The following ADAMTS18 variants were observed in gnomAD, a reference collection of about 807,000 sequenced individuals.
The protein encoded by ADAMTS18 is ADAM metallopeptidase with thrombospondin type 1 motif 18, also known as A disintegrin and metalloproteinase with thrombospondin motifs 18.
In ADAMTS18, 157 loss-of-function variants were observed where a neutral mutation model predicts 165.9. The observed-to-expected ratio is 0.95, with a 90% CI of 0.83 to 1.08. The LOEUF is 1.08. Among genes scored for constraint, ADAMTS18 ranks in the 50% least tolerant of loss-of-function variants. The probability of loss-of-function intolerance (pLI) is 0.00; values close to 1 mark genes in which losing one functional copy is unlikely to be tolerated. For synonymous variants in ADAMTS18, 782 were observed against 578.2 expected (o/e 1.35, Z -5.06); for missense variants, 2,040 against 1,534.0 (o/e 1.33, Z -5.51).
At chr16:77,294,300 G>A (rs1043759117) in intron 19 of ADAMTS18, among the ~76,000 whole-genome samples, 4 of 152,020 alleles carry the variant, frequency 2.6e-5, no homozygotes, top group African/African-American at 9.7e-5. Flanking sequence ...GGCTGTGTAG[G>A]ACATTCACCT....
intron 3 of ADAMTS18, among the ~76,000 whole-genome samples, chr16:77,386,312 G>C (rs1364881137): frequency 1.3e-5 from 2 of 152,100 alleles, no homozygotes; most frequent in African/African-American, 2.4e-5. Context: ...TTGGACTTTA[G>C]GATCCAAATT....
At position 77,343,158 on chromosome 16, in the gene ADAMTS18, C is replaced by T. The variant is rs141182294; in HGVS notation, c.1615-1359G>A. ...CACCATCTCGGCTCACTGCAACCCC[C>T]GCCTCCTGGGTTCAAGCAATTATCC... On this transcript the variant is annotated intron_variant, in intron 10 of 22. Coordinates refer to ENST00000282849, the MANE Select transcript of ADAMTS18 (RefSeq NM_199355.4). Among the ~76,000 whole-genome samples, 564 of 152,108 alleles carry T rather than the reference C, an allele frequency of 3.7e-3. 3 individuals are homozygous for T. The highest frequency in any genetic ancestry group is 0.013 in the African/African-American group (539 of 41,500).
At chr16:77,346,340 C>T (rs114706456) in intron 10 of ADAMTS18, among the ~76,000 whole-genome samples, 1,545 of 152,108 alleles carry the variant, frequency 0.01, 23 homozygotes, top group African/African-American at 0.035. Context: ...ATCCCAAGCA[C>T]CCAAAACAGT....
intron 16 of ADAMTS18, among the ~76,000 whole-genome samples, chr16:77,309,163 G>A (rs572760330): frequency 6.6e-6 from 1 of 151,848 alleles, no homozygotes; most frequent in African/African-American, 2.4e-5. Flanking sequence ...CAGAAACTAT[G>A]TGACTGCTAA....
intron 16 of ADAMTS18, among the ~76,000 whole-genome samples, chr16:77,301,815 G>A (rs1312230167): frequency 1.3e-5 from 2 of 152,034 alleles, no homozygotes; most frequent in Non-Finnish European, 1.5e-5. Flanking sequence ...AACAAATCTC[G>A]ATGCCTCCTA....
At chr16:77,336,994 T>C (rs1273078748) in intron 11 of ADAMTS18, among the ~76,000 whole-genome samples, 1 of 152,224 alleles carries the variant, frequency 6.6e-6, no homozygotes, top group African/African-American at 2.4e-5. Flanking sequence ...AAATCTTCAC[T>C]TATCCCCTGC....
intron 12 of ADAMTS18, among the ~76,000 whole-genome samples, chr16:77,329,656 A>T (rs926486117): frequency 6.6e-6 from 1 of 152,172 alleles, no homozygotes; most frequent in African/African-American, 2.4e-5. Context: ...ATACTAATAC[A>T]TTTCATTTTT....
chr16:77,353,698 T>C (rs1266777595), intron 10 of ADAMTS18, 35 bp downstream of exon 10: 3 of 1,613,932 alleles, frequency 1.9e-6, no homozygotes, highest in Non-Finnish European at 8.5e-7. Flanking sequence ...CATTGCAGAG[T>C]CTTAATGTAA....
At chr16:77,321,955 A>C (rs2056006510) in intron 14 of ADAMTS18, among the ~76,000 whole-genome samples, 1 of 152,136 alleles carries the variant, frequency 6.6e-6, no homozygotes. Flanking sequence ...CAGGAGTTCA[A>C]GACCAGTCGG....
At chr16:77,293,369 T>C (rs953326959) in intron 19 of ADAMTS18, 111 bp from the exon 20 acceptor site, 1 of 965,370 alleles carries the variant, frequency 1.0e-6, no homozygotes, top group Non-Finnish European at 1.6e-6. Context: ...ATAAACTCCA[T>C]GAACTAAAGC....
At position 77,322,437 on chromosome 16, in the gene ADAMTS18, C is replaced by T. The variant is rs1475338375; in HGVS notation, c.2062G>A (p.Ala688Thr). The T allele has an allele frequency of 1.9e-6, 3 of 1,614,018 alleles. No homozygotes were observed. Among genetic ancestry groups the T allele is most frequent in the Non-Finnish European group, 2.5e-6 (3 of 1,179,970 alleles). Residue 688 changes from alanine to threonine, a missense_variant, in exon 14 of 23, where the codon GCT (alanine) becomes ACT (threonine). Transcript: ENST00000282849. ...EEDRCKLYCK[A>T]ENFEFFFAMS... ...GCAAAAAAAAATTCAAAGTTCTCAG[C>T]CTTGCAGTACAGTTTGCATCGATCT...
At chr16:77,339,948 A>C (rs72801635) in intron 11 of ADAMTS18, among the ~76,000 whole-genome samples, 346 of 152,290 alleles carry the variant, frequency 2.3e-3, no homozygotes, top group Non-Finnish European at 3.0e-3. Context: ...CTCTCTCTGA[A>C]AAGTCCTTTT....
At position 77,401,152 on chromosome 16, in the gene ADAMTS18, G is replaced by A. The variant is rs540767102; in HGVS notation, c.495+30143C>T. ...TGCCTATAATACCAGCTACTCAGGA[G>A]TCTGAGGCAGGAGAATTGCTTGAAC... On this transcript the variant is annotated intron_variant, in intron 3 of 22. Coordinates refer to ENST00000282849, the MANE Select transcript of ADAMTS18 (RefSeq NM_199355.4). Among the ~76,000 whole-genome samples the A allele has an allele frequency of 2.0e-5, 3 of 152,200 alleles. No individual in the cohort carries two copies. The South Asian group carries it at 6.2e-4, about 32-fold the overall frequency.
At chr16:77,371,397 C>CCAA (rs1300515597) in intron 3 of ADAMTS18, among the ~76,000 whole-genome samples, 1 of 151,970 alleles carries the variant, frequency 6.6e-6, no homozygotes, top group East Asian at 1.9e-4. Context: ...TAGAAAGCTA[C>CCAA]AGTAACCAAA....
At chr16:77,384,057 AGGCT>A (rs143617989) in intron 3 of ADAMTS18, among the ~76,000 whole-genome samples, 17,659 of 152,044 alleles carry the variant, frequency 0.12, 1,278 homozygotes, top group East Asian at 0.24. Context: ...AGCTCCTTAA[AGGCT>A]GGGACTTTGT....
intron 3 of ADAMTS18, among the ~76,000 whole-genome samples, chr16:77,391,155 G>T (rs1376859775): frequency 6.6e-6 from 1 of 152,172 alleles, no homozygotes; most frequent in Non-Finnish European, 1.5e-5. Context: ...TAGTTTGGAA[G>T]AGAAATGTGC....
chr16:77,307,641 A>G (rs901829097), intron 16 of ADAMTS18, among the ~76,000 whole-genome samples: 6 of 152,210 alleles, frequency 3.9e-5, no homozygotes, highest in African/African-American at 1.2e-4. Context: ...TGCCATCGCA[A>G]AAGTACCTCT....
chr16:77,427,061 G>A (rs2057682854), intron 3 of ADAMTS18, among the ~76,000 whole-genome samples: 1 of 152,132 alleles, frequency 6.6e-6, no homozygotes. Context: ...TGTCTAACAA[G>A]TTCCAAAAAT....
At chr16:77,292,808 A>C (rs1220984286) in intron 20 of ADAMTS18, among the ~76,000 whole-genome samples, 1 of 152,100 alleles carries the variant, frequency 6.6e-6, no homozygotes, top group Non-Finnish European at 1.5e-5. Flanking sequence ...TGAGCATCTC[A>C]AGAAACCTCC....
Sources: allele counts gnomAD v4.1 joint callset (sites outside exome capture counted in the v4.1 genomes callset), GRCh38; gene constraint gnomAD v4.1.1; transcripts MANE v1.5; gene names NCBI Gene and HGNC (gene_info 2026-07-23, HGNC 2026-07-21).